The following ATAD5 variants were observed in gnomAD, a reference collection of about 807,000 sequenced individuals.
The protein encoded by ATAD5 is ATPase family AAA domain containing 5, also known as ATPase family AAA domain-containing protein 5.
In ATAD5, 58 loss-of-function variants were observed where a neutral mutation model predicts 176.9. The ratio of observed to expected loss-of-function variants is 0.33; its 90% CI spans 0.27 to 0.41. The LOEUF (loss-of-function observed/expected upper bound fraction) is 0.41. Among genes scored for constraint, ATAD5 ranks in the 10% least tolerant of loss-of-function variants. The probability of loss-of-function intolerance (pLI) is 1.00; values close to 1 mark genes in which losing one functional copy is unlikely to be tolerated. For missense variants in ATAD5, 1,789 were observed against 2,094.1 expected (o/e 0.85, Z 2.84); for synonymous variants, 640 against 712.6 (o/e 0.90, Z 1.62).
chr17:30,894,796 G>A, intron 22 of ATAD5, 39 bp from the exon 23 acceptor site: 4 of 1,554,794 alleles, frequency 2.6e-6, no homozygotes, highest in Non-Finnish European at 3.5e-6. Context: ...AGATGAAAAT[G>A]TTAATATTAA....
chr17:30,834,784 G>C lies in ATAD5; in HGVS notation c.703G>C (p.Asp235His), dbSNP rs1272512460. 1.9e-6 allele frequency: 3 copies of C among 1,614,052 alleles called. No homozygotes were observed. The highest frequency in any genetic ancestry group is 8.5e-7 in the Non-Finnish European group (1 of 1,179,982). Residue 235 changes from aspartate (D) to histidine (H), a missense_variant, in exon 2 of 23, where the codon GAT (aspartate) becomes CAT (histidine). This residue lies in a region of ATAD5 where 696 missense variants were observed against 712.5 expected (regional missense o/e 0.98). Coordinates refer to ENST00000321990, the MANE Select transcript of ATAD5 (RefSeq NM_024857.5). ...ELNLLKKDGK[D>H]TKQMENTTSH... ...AAATTTGCTTAAAAAAGATGGTAAA[G>C]ATACTAAACAGATGGAGAATACTAC...
intron 12 of ATAD5, 49 bp from the exon 13 acceptor site, chr17:30,869,199 T>C (rs999261917): frequency 2.8e-5 from 43 of 1,560,130 alleles, no homozygotes; most frequent in East Asian, 4.5e-5. Flanking sequence ...TAAGGTAGAA[T>C]TGCTTCCTCA....
At position 30,853,647 on chromosome 17, in the gene ATAD5, T is replaced by C. The variant is rs117804091; in HGVS notation, c.2451-1496T>C. On this transcript the variant is annotated intron_variant, in intron 6 of 22. Coordinates refer to ENST00000321990, the MANE Select transcript of ATAD5 (RefSeq NM_024857.5). Reference sequence around the variant, plus strand: ...CCAAATATCTAATTGCACAGAATATTGTGAGTCTTGTTCTTTCTACAGGCA... The same window carrying C: ...CCAAATATCTAATTGCACAGAATATCGTGAGTCTTGTTCTTTCTACAGGCA... Among the ~76,000 whole-genome samples, 868 of 152,272 alleles carry C rather than the reference T, an allele frequency of 5.7e-3. 3 individuals carry two copies. The highest frequency in any genetic ancestry group is 0.015 in the Admixed American group (232 of 15,282).
intron 6 of ATAD5, among the ~76,000 whole-genome samples, chr17:30,851,717 G>A (rs1259736978): frequency 1.3e-5 from 2 of 151,976 alleles, no homozygotes; most frequent in African/African-American, 4.8e-5. Context: ...CAAGTAGCTG[G>A]GATTACAGGT....
intron 6 of ATAD5, among the ~76,000 whole-genome samples, chr17:30,854,582 G>C (rs372165705): frequency 6.6e-6 from 1 of 151,278 alleles, no homozygotes; most frequent in African/African-American, 2.4e-5. Context: ...ATGTTGGCCA[G>C]GCTGGTCTCA....
chr17:30,890,218 C>T (rs1456254842), intron 19 of ATAD5, among the ~76,000 whole-genome samples: 1 of 151,564 alleles, frequency 6.6e-6, no homozygotes, highest in Non-Finnish European at 1.5e-5. Context: ...AGTAGATATG[C>T]CTATATATTC....
chr17:30,850,856 TATATATATATA>T (rs1567683594), intron 6 of ATAD5, among the ~76,000 whole-genome samples: 15 of 38,748 alleles, frequency 3.9e-4, no homozygotes, highest in African/African-American at 1.0e-3. Context: ...TATATATATA[TATATATATATA>T]TATTTTTTTT....
chr17:30,834,699 A>C lies in ATAD5; in HGVS notation c.618A>C (p.Arg206Ser). 14 of 1,609,326 alleles carry C rather than the reference A, an allele frequency of 8.7e-6. No homozygotes were observed. Among genetic ancestry groups the C allele is most frequent in the Non-Finnish European group, 1.2e-5 (14 of 1,178,838 alleles). The change falls in exon 2 of 23, where the codon AGA (arginine) becomes AGC (serine). Residue 206 changes from arginine (R) to serine (S), a missense_variant. By Grantham distance (110) the Arg-to-Ser change is moderately radical (BLOSUM62 -1). Coordinates refer to ENST00000321990, the MANE Select transcript of ATAD5 (RefSeq NM_024857.5). ...GTTKNDFKKL[R>S]KRKCRDVVDL... ...CAAAAAATGACTTCAAAAAGTTGAG[A>C]AAAAGGAAATGCAGAGATGTAGTAG...
intron 6 of ATAD5, among the ~76,000 whole-genome samples, chr17:30,850,866 TATA>T (rs1324261596): frequency 2.1e-4 from 7 of 33,004 alleles, no homozygotes; most frequent in Non-Finnish European, 2.3e-4. Context: ...TATATATATA[TATA>T]TTTTTTTTTT....
intron 6 of ATAD5, among the ~76,000 whole-genome samples, chr17:30,851,801 C>G (rs1906988471): frequency 1.3e-5 from 2 of 152,200 alleles, no homozygotes; most frequent in Admixed American, 6.5e-5. Context: ...CAGGCTGTCT[C>G]AAACTCCTGG....
intron 14 of ATAD5, among the ~76,000 whole-genome samples, chr17:30,874,928 C>T (rs1317256763): frequency 6.6e-6 from 1 of 151,990 alleles, no homozygotes; most frequent in Non-Finnish European, 1.5e-5. Flanking sequence ...TGTGCCCTGC[C>T]AAATATTTTT....
intron 14 of ATAD5, among the ~76,000 whole-genome samples, chr17:30,871,739 G>C (rs1357349845): frequency 6.6e-6 from 1 of 152,124 alleles, no homozygotes; most frequent in Non-Finnish European, 1.5e-5. Flanking sequence ...TTGGATGCCT[G>C]ATAATTCTGA....
intron 14 of ATAD5, among the ~76,000 whole-genome samples, chr17:30,870,949 C>T (rs2142401363): frequency 6.6e-6 from 1 of 151,894 alleles, no homozygotes; most frequent in African/African-American, 2.4e-5. Flanking sequence ...TTGGGAAGAT[C>T]AAAGTTGATA....
chr17:30,877,219 T>C (rs1350190064), intron 15 of ATAD5, among the ~76,000 whole-genome samples, 197 bp from the exon 16 acceptor site: 1 of 151,894 alleles, frequency 6.6e-6, no homozygotes, highest in African/African-American at 2.4e-5. Context: ...GATTTCGCCA[T>C]GTTGGTCTCG....
In ATAD5 at chr17:30,843,149, C is replaced by G. The variant is rs546417229; in HGVS notation, c.2242-764C>G. Among the ~76,000 whole-genome samples the G allele has an allele frequency of 2.0e-5, 3 of 151,532 alleles. No homozygotes were observed. The East Asian group carries it at 5.9e-4, about 30-fold the overall frequency. On this transcript the variant is annotated intron_variant, in intron 4 of 22. Transcript: ENST00000321990. ...GGAGGATTGCCTGAGCCCAGGAGTT[C>G]GAGACCAGCCTGGTCAACATAGGGA...
At chr17:30,860,272 C>T (rs1000473542) in intron 9 of ATAD5, among the ~76,000 whole-genome samples, 161 bp from the exon 10 acceptor site, 36 of 152,184 alleles carry the variant, frequency 2.4e-4, no homozygotes, top group African/African-American at 8.7e-4. Flanking sequence ...AATCCGCTCA[C>T]CTCAACCTCC....
At chr17:30,883,411 G>A (rs1909140917) in intron 18 of ATAD5, among the ~76,000 whole-genome samples, 1 of 152,040 alleles carries the variant, frequency 6.6e-6, no homozygotes, top group Non-Finnish European at 1.5e-5. Flanking sequence ...ACATGCGTGA[G>A]CCACAGTGCC....
At chr17:30,838,621 A>C (rs139769727) in intron 3 of ATAD5, among the ~76,000 whole-genome samples, 163 of 152,320 alleles carry the variant, frequency 1.1e-3, no homozygotes, top group African/African-American at 3.6e-3. Flanking sequence ...TACTACAGCT[A>C]AAGGTTGAAA....
intron 7 of ATAD5, among the ~76,000 whole-genome samples, chr17:30,855,566 G>T (rs1386572736): frequency 6.6e-6 from 1 of 151,886 alleles, no homozygotes; most frequent in Non-Finnish European, 1.5e-5. Flanking sequence ...GCTGGGTGTG[G>T]TGTCTCATGC....
Sources: allele counts gnomAD v4.1 joint callset (sites outside exome capture counted in the v4.1 genomes callset), GRCh38; gene constraint gnomAD v4.1.1; regional missense constraint gnomAD v4.1.1; transcripts MANE v1.5; gene names NCBI Gene and HGNC (gene_info 2026-07-23, HGNC 2026-07-21).